Variants in ZNF804B observed in about 807,000 individuals in gnomAD.
The protein encoded by ZNF804B is zinc finger protein 804B, also known as zinc finger 804B.
In ZNF804B, 80 loss-of-function variants were observed where a neutral mutation model predicts 101.4. The ratio of observed to expected loss-of-function variants is 0.79; its 90% confidence interval spans 0.66 to 0.95. ZNF804B has a LOEUF of 0.95. Among genes scored for constraint, ZNF804B ranks in the 40% least tolerant of loss-of-function variants. The pLI, the probability that ZNF804B is intolerant of heterozygous loss-of-function variation, is 0.00. For synonymous variants in ZNF804B, 622 were observed against 558.8 expected (o/e 1.11, Z -1.59); for missense variants, 1,673 against 1,561.9 (o/e 1.07, Z -1.20).
chr7:89,046,245 C>T lies in ZNF804B; in HGVS notation c.109-171910C>T, dbSNP rs374697500. The stretch of plus-strand genomic sequence containing the variant: ...CAAGCAGAAGTGTGGGTAAGTTAAT[C>T]CTCTTTCCTTTATAAATTACCCAGT... On this transcript the variant is annotated intron_variant, in intron 1 of 3. Transcript: ENST00000333190. 1.0e-3 allele frequency among the ~76,000 whole-genome samples: 155 copies of T among 152,072 alleles called. 2 individuals carry two copies. The South Asian group carries it at 0.027, about 26-fold the overall frequency.
At chr7:89,255,258 G>A (rs553941167) in intron 2 of ZNF804B, among the ~76,000 whole-genome samples, 16 of 152,140 alleles carry the variant, frequency 1.1e-4, no homozygotes, top group Admixed American at 6.5e-4. Flanking sequence ...AGAACAGCAC[G>A]GGAGAAACTG....
intron 2 of ZNF804B, among the ~76,000 whole-genome samples, chr7:89,317,546 A>G (rs1157923817): frequency 6.6e-6 from 1 of 152,242 alleles, no homozygotes; most frequent in Non-Finnish European, 1.5e-5. Flanking sequence ...ATATTCTAAG[A>G]CAAAGCACCT....
At chr7:88,840,608 A>G (rs964632614) in intron 1 of ZNF804B, among the ~76,000 whole-genome samples, 2 of 152,186 alleles carry the variant, frequency 1.3e-5, no homozygotes, top group African/African-American at 4.8e-5. Flanking sequence ...CTTCATTTGT[A>G]GGACATTAAC....
chr7:89,256,965 T>C (rs1366578314), intron 2 of ZNF804B, among the ~76,000 whole-genome samples: 1 of 152,186 alleles, frequency 6.6e-6, no homozygotes, highest in Non-Finnish European at 1.5e-5. Flanking sequence ...ATGATAGATA[T>C]AAGAATTAAA....
At chr7:89,294,567 T>A (rs7785671) in intron 2 of ZNF804B, among the ~76,000 whole-genome samples, 2,986 of 151,816 alleles carry the variant, frequency 0.02, 81 homozygotes, top group African/African-American at 0.067. Flanking sequence ...ACTTTTTTTT[T>A]AAAAAAATGC....
Position 89,336,072 on chromosome 7 carries a change from A to G in ZNF804B, c.3090A>G (p.Ile1030Met). Reference sequence around the variant, plus strand: ...GTGATAACCATCTTTCTAAAGGTATAATTCACCTAGTAACAGAGTCTCAGT... The same window carrying G: ...GTGATAACCATCTTTCTAAAGGTATGATTCACCTAGTAACAGAGTCTCAGT... Reference protein sequence around the residue: ...TDCDNHLSKGIIHLVTESQSL... With the variant: ...TDCDNHLSKGMIHLVTESQSL... The change falls in exon 4 of 4, where the codon ATA (isoleucine) becomes ATG (methionine). Residue 1030 changes from isoleucine to methionine, a missense_variant. By Grantham distance (10) the Ile-to-Met change is conservative. Transcript: ENST00000333190. 1 of 1,613,986 alleles carries G rather than the reference A, an allele frequency of 6.2e-7. No individual in the cohort carries two copies. Among genetic ancestry groups the G allele is most frequent in the South Asian group, 1.1e-5 (1 of 91,084 alleles).
chr7:88,860,929 G>A (rs1481813796), intron 1 of ZNF804B, among the ~76,000 whole-genome samples: 1 of 151,982 alleles, frequency 6.6e-6, no homozygotes, highest in Admixed American at 6.6e-5. Flanking sequence ...TTTATTCCCT[G>A]GGCAAAGTAA....
At chr7:88,855,204 G>C (rs562443351) in intron 1 of ZNF804B, among the ~76,000 whole-genome samples, 1 of 152,168 alleles carries the variant, frequency 6.6e-6, no homozygotes, top group African/African-American at 2.4e-5. Context: ...GGTTGAACTA[G>C]TTTACAGTCT....
intron 2 of ZNF804B, among the ~76,000 whole-genome samples, chr7:89,276,367 C>T (rs1414433587): frequency 6.6e-6 from 1 of 151,640 alleles, no homozygotes; most frequent in African/African-American, 2.4e-5. Flanking sequence ...TAAAAGACCC[C>T]TTGGATATAC....
intron 1 of ZNF804B, among the ~76,000 whole-genome samples, chr7:88,916,945 T>G (rs540769177): frequency 6.6e-6 from 1 of 152,192 alleles, no homozygotes; most frequent in East Asian, 1.9e-4. Context: ...GCTTTAAAAT[T>G]AGCTGTAATA....
In ZNF804B at chr7:89,336,914, A is replaced by G. The variant is rs749821420; in HGVS notation, c.3932A>G (p.Asn1311Ser). 6.2e-7 allele frequency: 1 copy of G among 1,614,064 alleles called. No homozygotes were observed. The highest frequency in any genetic ancestry group is 8.5e-7 in the Non-Finnish European group (1 of 1,179,974). Residue 1311 changes from asparagine to serine, a missense_variant, in exon 4 of 4, where the codon AAT becomes AGT. Physicochemically the swap from Asn to Ser is conservative, Grantham distance 46. Coordinates refer to ENST00000333190, the MANE Select transcript of ZNF804B (RefSeq NM_181646.5). ...NPATTSIIHL[N>S]PLIQPVFQGQ... The stretch of plus-strand genomic sequence containing the variant: ...GCCACAACTTCTATCATCCACTTGA[A>G]TCCTTTAATCCAACCAGTATTCCAA...
At chr7:88,942,671 TAAAAA>T (rs931886937) in intron 1 of ZNF804B, among the ~76,000 whole-genome samples, 1 of 151,506 alleles carries the variant, frequency 6.6e-6, no homozygotes, top group Non-Finnish European at 1.5e-5. Flanking sequence ...GTATTACACT[TAAAAA>T]AAACCAATGG....
intron 2 of ZNF804B, among the ~76,000 whole-genome samples, chr7:89,246,863 C>A (rs1234271034): frequency 6.6e-6 from 1 of 152,152 alleles, no homozygotes; most frequent in Non-Finnish European, 1.5e-5. Context: ...ACCTGAGCTG[C>A]CCCACCCTTC....
chr7:89,118,278 G>A (rs767149369), intron 1 of ZNF804B, among the ~76,000 whole-genome samples: 9 of 152,000 alleles, frequency 5.9e-5, no homozygotes, highest in South Asian at 2.1e-4. Flanking sequence ...GTACTAAGTC[G>A]GAATTAGGTA....
intron 1 of ZNF804B, among the ~76,000 whole-genome samples, chr7:89,186,755 T>C (rs1740262618): frequency 6.6e-6 from 1 of 152,202 alleles, no homozygotes; most frequent in Non-Finnish European, 1.5e-5. Flanking sequence ...TAATCTGTTC[T>C]TGATTTTAAA....
At chr7:88,890,480 G>A (rs1584000082) in intron 1 of ZNF804B, among the ~76,000 whole-genome samples, 1 of 152,068 alleles carries the variant, frequency 6.6e-6, no homozygotes, top group African/African-American at 2.4e-5. Context: ...TGTACCATTT[G>A]CCTTCTCACT....
At chr7:88,971,705 C>T (rs762838435) in intron 1 of ZNF804B, among the ~76,000 whole-genome samples, 2 of 151,538 alleles carry the variant, frequency 1.3e-5, no homozygotes, top group Non-Finnish European at 3.0e-5. Context: ...TTGTGCCTGC[C>T]TTATCCACCT....
At chr7:89,273,874 T>A (rs1422449417) in intron 2 of ZNF804B, among the ~76,000 whole-genome samples, 1 of 152,190 alleles carries the variant, frequency 6.6e-6, no homozygotes, top group Admixed American at 6.5e-5. Context: ...TTTACATGTT[T>A]GGAAAAGTTA....
At chr7:89,100,260 A>G (rs894059916) in intron 1 of ZNF804B, among the ~76,000 whole-genome samples, 4 of 152,174 alleles carry the variant, frequency 2.6e-5, no homozygotes, top group African/African-American at 9.6e-5. Context: ...GGATATCCAT[A>G]TGCAGAAGAA....
Sources: allele counts gnomAD v4.1 joint callset (sites outside exome capture counted in the v4.1 genomes callset), GRCh38; gene constraint gnomAD v4.1.1; transcripts MANE v1.5; gene names NCBI Gene and HGNC (gene_info 2026-07-23, HGNC 2026-07-21).